The following RABEP1 variants were observed in gnomAD, a reference collection of about 807,000 sequenced individuals.
RABEP1 encodes the protein rab GTPase-binding effector protein 1.
Under a neutral mutation model 123.4 loss-of-function variants are expected in RABEP1, and 51 were observed. The observed-to-expected ratio is 0.41, with a 90% CI of 0.33 to 0.52. The LOEUF (loss-of-function observed/expected upper bound fraction) is 0.52. Ranked by LOEUF, RABEP1 falls within the 20% of genes least tolerant of loss-of-function variation. RABEP1 has a pLI of 0.16. For synonymous variants in RABEP1, 347 were observed against 355.2 expected (o/e 0.98, Z 0.26); for missense variants, 888 against 996.3 (o/e 0.89, Z 1.46).
chr17:5,378,258 C>A (rs1567555186), intron 15 of RABEP1, 26 bp downstream of exon 15: 1 of 1,534,300 alleles, frequency 6.5e-7, no homozygotes, highest in South Asian at 1.1e-5. Context: ...CAAATTAATT[C>A]TATCAGCAAC....
chr17:5,302,563 TACCTTATA>T (rs2075145382), intron 1 of RABEP1, among the ~76,000 whole-genome samples: 1 of 151,120 alleles, frequency 6.6e-6, no homozygotes, highest in African/African-American at 2.4e-5. Flanking sequence ...TCTATAAAGT[TACCTTATA>T]AGCTTTTTAA....
At chr17:5,327,971 C>T (rs914897059) in intron 2 of RABEP1, among the ~76,000 whole-genome samples, 18 of 152,158 alleles carry the variant, frequency 1.2e-4, no homozygotes, top group African/African-American at 4.1e-4. Flanking sequence ...AAGCAGGTTT[C>T]AGTTTCACAC....
At chr17:5,316,993 T>C (rs1465248879) in intron 2 of RABEP1, among the ~76,000 whole-genome samples, 1 of 152,022 alleles carries the variant, frequency 6.6e-6, no homozygotes, top group African/African-American at 2.4e-5. Flanking sequence ...CAACCTCTGC[T>C]TCCCAGGTTC....
intron 16 of RABEP1, 86 bp downstream of exon 16, chr17:5,380,548 T>G: frequency 1.8e-6 from 2 of 1,117,738 alleles, no homozygotes; most frequent in Non-Finnish European, 2.6e-6. Flanking sequence ...AAAATATTGG[T>G]GCTTTGAAGT....
At chr17:5,350,068 G>T (rs1014378297) in intron 6 of RABEP1, among the ~76,000 whole-genome samples, 3 of 152,104 alleles carry the variant, frequency 2.0e-5, no homozygotes, top group African/African-American at 7.2e-5. Flanking sequence ...CCTGGGCTAG[G>T]AGCCCTGTGC....
chr17:5,365,286 T>G lies in RABEP1; in HGVS notation c.1785+48T>G, dbSNP rs764687823. The stretch of plus-strand genomic sequence containing the variant: ...TGGCCCATGAGGGATGACTGGGTTA[T>G]TTAAATGAAAGATTCAAAAAATATA... On this transcript the variant is annotated intron_variant, in intron 11 of 17. Coordinates refer to ENST00000537505, the MANE Select transcript of RABEP1 (RefSeq NM_004703.6). 19 of 1,247,802 alleles carry G rather than the reference T, an allele frequency of 1.5e-5. No individual in the cohort carries two copies. In the Middle Eastern group the frequency reaches 7.9e-4, roughly 52 times the overall value. 77.3% of individuals were successfully genotyped at this position (1,247,802 alleles called of 1,614,324 possible). A position where few individuals can be genotyped will look rare whatever the true frequency, so the allele number is the denominator to read the frequency against.
Position 5,383,166 on chromosome 17 carries a change from C to G in RABEP1, c.2532C>G (p.Ile844Met). ...GGCAAGCTGACTCCTTGGAGAGAAT[C>G]CGGGCAATTCTGAATGATACTAAAC... is the stretch of plus-strand genomic sequence containing the variant. The part of the protein sequence containing the change: ...RIRQADSLER[I>M]RAILNDTKLT... The change falls in exon 18 of 18, where the codon ATC becomes ATG. Residue 844 changes from isoleucine to methionine, a missense_variant. Ile to Met is a conservative substitution (Grantham distance 10). Coordinates refer to ENST00000537505, the MANE Select transcript of RABEP1 (RefSeq NM_004703.6). 6.2e-7 allele frequency: 1 copy of G among 1,614,104 alleles called. No homozygotes were observed. The highest frequency in any genetic ancestry group is 1.7e-5 in the Admixed American group (1 of 60,028).
chr17:5,383,081 G>A, intron 17 of RABEP1, 41 bp from the exon 18 acceptor site: 2 of 1,569,624 alleles, frequency 1.3e-6, no homozygotes, highest in South Asian at 2.2e-5. Context: ...AGAAAATCTA[G>A]GCAGGAGCCA....
intron 16 of RABEP1, among the ~76,000 whole-genome samples, chr17:5,380,823 T>G (rs1911388791): frequency 6.6e-6 from 1 of 152,214 alleles, no homozygotes; most frequent in Non-Finnish European, 1.5e-5. Context: ...TGCCTAAATT[T>G]TGATGAGTTC....
Position 5,373,226 on chromosome 17 carries a change from T to C in RABEP1, c.1885-88T>C, listed in dbSNP as rs1910668505. 5 of 1,315,812 alleles carry C rather than the reference T, an allele frequency of 3.8e-6. No individual in the cohort carries two copies. In the East Asian group the frequency reaches 1.2e-4, roughly 32 times the overall value. The allele number at this position is 1,315,812 out of a possible 1,614,324, so 81.5% of individuals were successfully genotyped here. On this transcript the variant is annotated intron_variant, in intron 12 of 17. Coordinates refer to ENST00000537505, the MANE Select transcript of RABEP1 (RefSeq NM_004703.6). ...ATACCCCGTCCATCCTCAGCACTCC[T>C]TTAGTTTGGACTTGTTTTTCTCTGG...
At chr17:5,376,006 G>T (rs910254575) in intron 13 of RABEP1, among the ~76,000 whole-genome samples, 17 of 152,072 alleles carry the variant, frequency 1.1e-4, no homozygotes, top group African/African-American at 4.1e-4. Context: ...CTGAGTAGCT[G>T]GGACTACAGG....
At chr17:5,334,538 C>G (rs538418628) in intron 3 of RABEP1, among the ~76,000 whole-genome samples, 1 of 152,188 alleles carries the variant, frequency 6.6e-6, no homozygotes, top group South Asian at 2.1e-4. Context: ...GGCAATTTTT[C>G]TATCTTTGGT....
rs1296790288 is a variant in RABEP1, at chr17:5,385,386, C to A, written c.*2163C>A. 2.6e-5 allele frequency: 6 copies of A among 230,490 alleles called. No homozygotes were observed. Among genetic ancestry groups the A allele is most frequent in the Non-Finnish European group, 5.2e-5 (6 of 116,454 alleles). 14.3% of individuals were successfully genotyped at this position (230,490 alleles called of 1,614,324 possible). A position where few individuals can be genotyped will look rare whatever the true frequency, so the allele number is the denominator to read the frequency against. On this transcript the variant is annotated 3_prime_UTR_variant, in exon 18 of 18. Coordinates refer to ENST00000537505, the MANE Select transcript of RABEP1 (RefSeq NM_004703.6). Reference sequence around the variant, plus strand: ...TGTGCCTACATGTTCTCATGCATGTCTAACCTGATTTACCTCTTACCTGTA... The same window carrying A: ...TGTGCCTACATGTTCTCATGCATGTATAACCTGATTTACCTCTTACCTGTA...
At chr17:5,349,708 C>T (rs192846006) in intron 6 of RABEP1, among the ~76,000 whole-genome samples, 6 of 151,814 alleles carry the variant, frequency 4.0e-5, no homozygotes, top group South Asian at 4.2e-4. Context: ...TTGAGTTGTA[C>T]TGTGAAAAGT....
chr17:5,366,605 C>G (rs1910017667), intron 11 of RABEP1, among the ~76,000 whole-genome samples: 1 of 151,954 alleles, frequency 6.6e-6, no homozygotes. Flanking sequence ...ACCACCACAC[C>G]TGGCTAATTT....
rs951547416 is a variant in RABEP1 at position 5,384,516 on chromosome 17, G to A, written c.*1293G>A. 1.4e-5 allele frequency: 3 copies of A among 215,784 alleles called. No individual in the cohort carries two copies. In the Admixed American group the frequency reaches 1.7e-4, roughly 13 times the overall value. The allele number at this position is 215,784 out of a possible 1,614,324, so 13.4% of individuals were successfully genotyped here. ...CTGAAAGAGCCTTCTGGGAGTTAGT[G>A]AACTAGGTAGATTGTTTTGTTCACA... On this transcript the variant is annotated 3_prime_UTR_variant, in exon 18 of 18. Coordinates refer to ENST00000537505, the MANE Select transcript of RABEP1 (RefSeq NM_004703.6).
intron 1 of RABEP1, among the ~76,000 whole-genome samples, chr17:5,283,693 CCTTA>C (rs1185659257): frequency 2.6e-5 from 4 of 152,040 alleles, no homozygotes; most frequent in East Asian, 1.9e-4. Flanking sequence ...TTCGTGAAAC[CCTTA>C]CTTTTTATTT....
At chr17:5,317,776 C>T (rs1271272189) in intron 2 of RABEP1, among the ~76,000 whole-genome samples, 3 of 152,110 alleles carry the variant, frequency 2.0e-5, no homozygotes, top group Admixed American at 2.0e-4. Context: ...GGATGGTCAC[C>T]AGAAAGACCA....
intron 2 of RABEP1, among the ~76,000 whole-genome samples, chr17:5,322,231 G>C (rs926012480): frequency 6.6e-6 from 1 of 152,146 alleles, no homozygotes; most frequent in Non-Finnish European, 1.5e-5. Context: ...GGTGGTACAT[G>C]CTTGTAGTCC....
Sources: gnomAD v4.1 joint callset for allele counts (sites outside exome capture counted in the v4.1 genomes callset) on GRCh38, gnomAD v4.1.1 for gene constraint, MANE v1.5 for transcripts, NCBI Gene and HGNC (gene_info 2026-07-23, HGNC 2026-07-21) for gene names.